The following ARHGAP15 variants were observed in gnomAD, a reference collection of about 807,000 sequenced individuals.
ARHGAP15 encodes the protein rho GTPase-activating protein 15.
ARHGAP15 carries 51 observed loss-of-function variants against 63.7 expected under a neutral mutation model. That is an observed-to-expected ratio of 0.80 (90% CI 0.64 to 1.01). The LOEUF is 1.01. Among genes scored for constraint, ARHGAP15 ranks in the 50% least tolerant of loss-of-function variants. The pLI is 0.00. For synonymous variants in ARHGAP15, 191 were observed against 193.8 expected (o/e 0.99, Z 0.12); for missense variants, 560 against 564.6 (o/e 0.99, Z 0.08).
chr2:143,575,243 T>G lies in ARHGAP15; in HGVS notation c.1003+18758T>G, dbSNP rs1167289650. Among the ~76,000 whole-genome samples, 4 of 152,206 alleles carry G rather than the reference T, an allele frequency of 2.6e-5. No individual in the cohort carries two copies. The East Asian group carries it at 7.7e-4, about 29-fold the overall frequency. Reference sequence around the variant, plus strand: ...ACACTTTAAAGATTACTTTTACTACTTTTTCAAATTTCTCCATTGGAGGCA... The same window carrying G: ...ACACTTTAAAGATTACTTTTACTACGTTTTCAAATTTCTCCATTGGAGGCA... On this transcript the variant is annotated intron_variant, in intron 11 of 13. Coordinates refer to ENST00000295095, the MANE Select transcript of ARHGAP15 (RefSeq NM_018460.4).
At chr2:143,136,459 G>A (rs1166201571) in intron 1 of ARHGAP15, among the ~76,000 whole-genome samples, 3 of 152,034 alleles carry the variant, frequency 2.0e-5, no homozygotes, top group African/African-American at 4.8e-5. Flanking sequence ...CTGCTTTCAA[G>A]TTAGAATAAC....
intron 2 of ARHGAP15, among the ~76,000 whole-genome samples, chr2:143,165,072 T>C (rs1010381369): frequency 1.3e-5 from 2 of 152,068 alleles, no homozygotes; most frequent in Non-Finnish European, 2.9e-5. Context: ...CATTATTCTT[T>C]TTTATGTATC....
chr2:143,428,125 G>A (rs1463769103), intron 6 of ARHGAP15, among the ~76,000 whole-genome samples: 1 of 152,010 alleles, frequency 6.6e-6, no homozygotes, highest in Non-Finnish European at 1.5e-5. Context: ...GATGTTATGA[G>A]CGCACTTGGG....
rs1688967169 is a variant in ARHGAP15, at chr2:143,132,851, CTGATTGAAACA to C, written c.-15+3389_-15+3399del. 2.6e-5 allele frequency among the ~76,000 whole-genome samples: 4 copies of C among 152,332 alleles called. No homozygotes were observed. The South Asian group carries it at 8.3e-4, about 32-fold the overall frequency. On this transcript the variant is annotated intron_variant, in intron 1 of 13. Transcript: ENST00000295095. ...ATACAGTTTTAATTGAAAGGCGGAT[CTGATTGAAACA>C]TGAGTTTGAATTAAACTAAATTTTA...
At chr2:143,668,221 G>A (rs923333720) in intron 12 of ARHGAP15, among the ~76,000 whole-genome samples, 8 of 151,596 alleles carry the variant, frequency 5.3e-5, no homozygotes, top group Admixed American at 2.6e-4. Flanking sequence ...TTGACAATAT[G>A]TTGATGTAAC....
At chr2:143,525,105 A>G (rs1694209463) in intron 10 of ARHGAP15, among the ~76,000 whole-genome samples, 1 of 152,146 alleles carries the variant, frequency 6.6e-6, no homozygotes. Context: ...CTCTGCTCCC[A>G]GTTCTGCTAA....
chr2:143,549,955 C>T (rs996852967), intron 10 of ARHGAP15, among the ~76,000 whole-genome samples: 3 of 152,140 alleles, frequency 2.0e-5, no homozygotes, highest in Non-Finnish European at 4.4e-5. Context: ...CCCATGACCA[C>T]TGTTTAATCA....
At chr2:143,446,842 T>C (rs952670668) in intron 8 of ARHGAP15, among the ~76,000 whole-genome samples, 7 of 143,244 alleles carry the variant, frequency 4.9e-5, no homozygotes, top group Non-Finnish European at 9.0e-5. Flanking sequence ...TGTGTTCTCA[T>C]TGTTCAGTTC....
chr2:143,563,668 G>GA (rs1696113168), intron 11 of ARHGAP15, among the ~76,000 whole-genome samples: 1 of 152,062 alleles, frequency 6.6e-6, no homozygotes, highest in Non-Finnish European at 1.5e-5. Flanking sequence ...TAATCCCCAA[G>GA]AAAAACCCCT....
intron 6 of ARHGAP15, among the ~76,000 whole-genome samples, chr2:143,387,909 G>GCA (rs34299102): frequency 0.3 from 44,359 of 149,368 alleles, 6,874 homozygotes; most frequent in Non-Finnish European, 0.35. Flanking sequence ...ACGCATGCCT[G>GCA]CACACACACA....
intron 2 of ARHGAP15, among the ~76,000 whole-genome samples, chr2:143,188,253 T>G (rs1020590072): frequency 1.3e-5 from 2 of 152,154 alleles, no homozygotes; most frequent in Non-Finnish European, 2.9e-5. Context: ...ATTGACATTA[T>G]TATTTTCTAA....
intron 4 of ARHGAP15, among the ~76,000 whole-genome samples, chr2:143,226,149 C>A (rs1287353176): frequency 6.6e-6 from 1 of 152,198 alleles, no homozygotes; most frequent in Non-Finnish European, 1.5e-5. Flanking sequence ...ACCTAACAGG[C>A]ACACAGTTCA....
intron 13 of ARHGAP15, among the ~76,000 whole-genome samples, chr2:143,721,578 C>T (rs1479843157): frequency 6.6e-6 from 1 of 152,126 alleles, no homozygotes; most frequent in Non-Finnish European, 1.5e-5. Context: ...GACAAGATGG[C>T]AGAATGCAAA....
intron 12 of ARHGAP15, among the ~76,000 whole-genome samples, chr2:143,663,129 T>A (rs1406526681): frequency 8.9e-6 from 1 of 111,974 alleles, no homozygotes; most frequent in East Asian, 2.9e-4. Flanking sequence ...TCACCAAAGT[T>A]GAAATGAAGG....
Position 143,758,505 on chromosome 2 carries a change from T to TAA in ARHGAP15, c.1245-9481_1245-9480dup, listed in dbSNP as rs1686656207. On this transcript the variant is annotated intron_variant, in intron 13 of 13. Coordinates refer to ENST00000295095, the MANE Select transcript of ARHGAP15 (RefSeq NM_018460.4). ...ATAAAATGGGTTAAACAAACAAACATAAAAGTATACACTCTAAATAGGAAA... is the reference window on the plus strand; with the variant it reads ...ATAAAATGGGTTAAACAAACAAACATAAAAAAGTATACACTCTAAATAGGAAA... Among the ~76,000 whole-genome samples, 2 of 151,908 alleles carry TAA rather than the reference T, an allele frequency of 1.3e-5. 1 individual carries two copies. The highest frequency in any genetic ancestry group is 4.2e-4 in the South Asian group (2 of 4,818).
intron 9 of ARHGAP15, among the ~76,000 whole-genome samples, chr2:143,508,031 C>A (rs1381140789): frequency 3.3e-5 from 2 of 60,676 alleles, no homozygotes; most frequent in African/African-American, 7.9e-5. Flanking sequence ...TATCATGTCA[C>A]CCCCCCCTCC....
rs183554977 is a variant in ARHGAP15 at position 143,716,098 on chromosome 2, T to C, written c.1244+12574T>C. 2.2e-4 allele frequency among the ~76,000 whole-genome samples: 33 copies of C among 152,260 alleles called. No individual in the cohort carries two copies. In the East Asian group the frequency reaches 5.0e-3, roughly 23 times the overall value. On this transcript the variant is annotated intron_variant, in intron 13 of 13. Transcript: ENST00000295095. ...TTAATACATAGGTGATAGGAAGATC[T>C]GTGCAGCAAACCACCATGGCACACG... is the stretch of plus-strand genomic sequence containing the variant.
chr2:143,665,986 A>ATTT (rs1430359633), intron 12 of ARHGAP15, among the ~76,000 whole-genome samples: 2 of 149,416 alleles, frequency 1.3e-5, no homozygotes, highest in Admixed American at 1.3e-4. Context: ...GAAAATGGCC[A>ATTT]TACTGCCCAA....
At chr2:143,703,664 C>T (rs1032970777) in intron 13 of ARHGAP15, 140 bp downstream of exon 13, 2 of 618,494 alleles carry the variant, frequency 3.2e-6, no homozygotes, top group Admixed American at 6.7e-5. Flanking sequence ...GGTCTTTCTG[C>T]AGAAGCTGGA....
Sources: gnomAD v4.1 joint callset for allele counts (sites outside exome capture counted in the v4.1 genomes callset) on GRCh38, gnomAD v4.1.1 for gene constraint, MANE v1.5 for transcripts, NCBI Gene and HGNC (gene_info 2026-07-23, HGNC 2026-07-21) for gene names.